Variants in SLC39A11 observed in about 807,000 individuals in gnomAD.
SLC39A11 encodes the protein solute carrier family 39 member 11, also known as zinc transporter ZIP11.
Under a neutral mutation model 36.1 loss-of-function variants are expected in SLC39A11, and 33 were observed. The ratio of observed to expected loss-of-function variants is 0.91; its 90% CI spans 0.69 to 1.22. The LOEUF (loss-of-function observed/expected upper bound fraction) is 1.22, where lower values mean the gene tolerates loss of function less well. SLC39A11 is among the 50% of genes most tolerant of loss of function. SLC39A11 has a pLI of 0.00. For synonymous variants in SLC39A11, 166 were observed against 170.3 expected (o/e 0.97, Z 0.20); for missense variants, 432 against 430.3 (o/e 1.00, Z -0.03).
intron 4 of SLC39A11, among the ~76,000 whole-genome samples, chr17:73,024,545 A>T (rs975152757): frequency 6.6e-6 from 1 of 152,196 alleles, no homozygotes; most frequent in Non-Finnish European, 1.5e-5. Flanking sequence ...AATGCTAAAG[A>T]TGAAGGAAAT....
chr17:72,993,493 T>C (rs181437154), intron 4 of SLC39A11, among the ~76,000 whole-genome samples: 1 of 152,348 alleles, frequency 6.6e-6, no homozygotes, highest in Non-Finnish European at 1.5e-5. Context: ...TGTTGAAGCA[T>C]TGCTAACTTC....
At chr17:72,668,212 AAAG>A (rs2070843366) in intron 7 of SLC39A11, among the ~76,000 whole-genome samples, 2 of 152,132 alleles carry the variant, frequency 1.3e-5, no homozygotes, top group Admixed American at 6.6e-5. Context: ...TAAAAAAAAA[AAAG>A]AAGTTTCCAG....
chr17:72,854,508 G>A (rs1323210497), intron 5 of SLC39A11, among the ~76,000 whole-genome samples: 2 of 152,118 alleles, frequency 1.3e-5, no homozygotes, highest in Non-Finnish European at 2.9e-5. Flanking sequence ...TTTCATGATA[G>A]TAGTATGTGT....
intron 4 of SLC39A11, among the ~76,000 whole-genome samples, chr17:72,981,376 G>A (rs914737212): frequency 5.9e-5 from 9 of 151,994 alleles, no homozygotes; most frequent in Admixed American, 2.6e-4. Flanking sequence ...AAGCAAATAC[G>A]TAAATACATC....
intron 4 of SLC39A11, among the ~76,000 whole-genome samples, chr17:72,966,829 A>G (rs1031890210): frequency 6.6e-6 from 1 of 152,034 alleles, no homozygotes; most frequent in African/African-American, 2.4e-5. Flanking sequence ...TCAGCCTCCC[A>G]AAGTGCTGGG....
At chr17:73,080,334 ATACT>A (rs1460239267) in intron 3 of SLC39A11, among the ~76,000 whole-genome samples, 3 of 152,208 alleles carry the variant, frequency 2.0e-5, no homozygotes, top group African/African-American at 7.2e-5. Context: ...ATAAAGGTAA[ATACT>A]TACAGCCAAC....
At chr17:72,772,211 T>A (rs1032719768) in intron 6 of SLC39A11, among the ~76,000 whole-genome samples, 1 of 152,154 alleles carries the variant, frequency 6.6e-6, no homozygotes, top group African/African-American at 2.4e-5. Flanking sequence ...GGGCAGTCTT[T>A]GGGGTTCCCA....
At chr17:73,060,191 C>T (rs1310007750) in intron 3 of SLC39A11, among the ~76,000 whole-genome samples, 1 of 19,944 alleles carries the variant, frequency 5.0e-5, no homozygotes, top group Non-Finnish European at 9.2e-5. Context: ...GCCTGGGCAA[C>T]AAGAATGAAA....
intron 5 of SLC39A11, among the ~76,000 whole-genome samples, chr17:72,883,356 G>C (rs189248105): frequency 1.5e-4 from 23 of 152,262 alleles, no homozygotes; most frequent in African/African-American, 5.1e-4. Context: ...ACCACAGATG[G>C]CTGCTGCCAA....
chr17:73,036,280 T>C (rs2058911411), intron 3 of SLC39A11, among the ~76,000 whole-genome samples: 1 of 152,140 alleles, frequency 6.6e-6, no homozygotes, highest in African/African-American at 2.4e-5. Context: ...CAAAATTGAG[T>C]GGAAAGTACC....
At chr17:72,714,555 G>C (rs545107703) in intron 7 of SLC39A11, among the ~76,000 whole-genome samples, 41 of 152,234 alleles carry the variant, frequency 2.7e-4, no homozygotes, top group African/African-American at 8.7e-4. Context: ...CTCCTGCTGA[G>C]TGCCTGCTAC....
rs1447054634 is a variant in SLC39A11 at position 72,822,991 on chromosome 17, C to G, written c.601+26643G>C. On this transcript the variant is annotated intron_variant, in intron 6 of 9. Transcript: ENST00000255559. ...GCTCAAGCAATCCTCTTACCTCAGCCTCCCAAAGTGCCGGGATTATAGGCA... is the reference window on the plus strand; with the variant it reads ...GCTCAAGCAATCCTCTTACCTCAGCGTCCCAAAGTGCCGGGATTATAGGCA... Among the ~76,000 whole-genome samples the G allele has an allele frequency of 7.3e-5, 11 of 151,294 alleles. No individual in the cohort carries two copies. In the South Asian group the frequency reaches 2.3e-3, roughly 32 times the overall value.
chr17:72,769,440 C>T (rs1414146324), intron 6 of SLC39A11, among the ~76,000 whole-genome samples: 1 of 152,134 alleles, frequency 6.6e-6, no homozygotes, highest in Non-Finnish European at 1.5e-5. Context: ...GATCTTGGGC[C>T]CCCAAATCGT....
chr17:72,798,586 C>T (rs7502882), intron 6 of SLC39A11, among the ~76,000 whole-genome samples: 90,925 of 151,360 alleles, frequency 0.6, 28,986 homozygotes, highest in Non-Finnish European at 0.73. Context: ...GGTTTCACCA[C>T]GTTGGTCAGG....
chr17:72,646,659 T>C lies in SLC39A11; in HGVS notation c.*925A>G, dbSNP rs888300246. ...CACAGCAGATTCCAAAACTCTTTCA[T>C]TCACTTGAGTTAACTGAAATGGCTC... On this transcript the variant is annotated 3_prime_UTR_variant, in exon 10 of 10. Coordinates refer to ENST00000255559, the MANE Select transcript of SLC39A11 (RefSeq NM_139177.4). 6.6e-6 allele frequency: 1 copy of C among 152,630 alleles called. No homozygotes were observed. The highest frequency in any genetic ancestry group is 1.5e-5 in the Non-Finnish European group (1 of 68,050). 9.5% of individuals were successfully genotyped at this position (152,630 alleles called of 1,614,324 possible).
At chr17:72,725,993 C>T (rs1005557379) in intron 7 of SLC39A11, among the ~76,000 whole-genome samples, 2 of 152,188 alleles carry the variant, frequency 1.3e-5, no homozygotes, top group African/African-American at 4.8e-5. Context: ...CCACAAGTAC[C>T]TTAGTGTCCT....
intron 6 of SLC39A11, among the ~76,000 whole-genome samples, chr17:72,772,826 G>A (rs2435977): frequency 0.32 from 49,225 of 151,926 alleles, 9,695 homozygotes; most frequent in African/African-American, 0.55. Flanking sequence ...GCTCACGCCT[G>A]TAATCCCAGC....
At chr17:72,775,769 C>A (rs1316784093) in intron 6 of SLC39A11, among the ~76,000 whole-genome samples, 1 of 152,194 alleles carries the variant, frequency 6.6e-6, no homozygotes, top group East Asian at 1.9e-4. Flanking sequence ...AGATTCCCTT[C>A]TCTGGGGTCC....
chr17:72,723,805 A>G (rs1176479322), intron 7 of SLC39A11, among the ~76,000 whole-genome samples: 1 of 152,184 alleles, frequency 6.6e-6, no homozygotes, highest in Non-Finnish European at 1.5e-5. Context: ...TGTTTATCCA[A>G]TTCAACCCAG....
Sources: gnomAD v4.1 joint callset for allele counts (sites outside exome capture counted in the v4.1 genomes callset) on GRCh38, gnomAD v4.1.1 for gene constraint, MANE v1.5 for transcripts, NCBI Gene and HGNC (gene_info 2026-07-23, HGNC 2026-07-21) for gene names.